OR6N1: variants seen among roughly 807,000 people sequenced by gnomAD.
OR6N1 encodes olfactory receptor 6N1.
For synonymous variants in OR6N1, 170 were observed against 150.7 expected, an observed-to-expected ratio of 1.13 and a Z score of -0.94; for missense variants, 394 against 371.7, an observed-to-expected ratio of 1.06 and a Z score of -0.49.
At chr1:158,795,102 C>T in the OR6N1 span, among the ~76,000 whole-genome samples, 4 of 152,190 alleles carry the variant, frequency 2.6e-5, no homozygotes, top group African/African-American at 9.7e-5. Flanking sequence ...AGGGCAGTTC[C>T]CTGGCTGCTG....
chr1:158,825,866 G>T, the OR6N1 span, among the ~76,000 whole-genome samples: 1 of 152,130 alleles, frequency 6.6e-6, no homozygotes, highest in Non-Finnish European at 1.5e-5. Context: ...CAAAAGCATG[G>T]AATCAACCTA....
chr1:158,777,510 G>T, the OR6N1 span: 6 of 1,614,048 alleles, frequency 3.7e-6, no homozygotes, highest in African/African-American at 6.7e-5. Flanking sequence ...AGATGAGCAT[G>T]TTACCACAGA....
At chr1:158,817,187 C>G in the OR6N1 span, among the ~76,000 whole-genome samples, 1 of 152,126 alleles carries the variant, frequency 6.6e-6, no homozygotes, top group Admixed American at 6.5e-5. Flanking sequence ...GGTTATTGAT[C>G]AAATATATGA....
At chr1:158,810,836 T>A in the OR6N1 span, among the ~76,000 whole-genome samples, 1 of 151,458 alleles carries the variant, frequency 6.6e-6, no homozygotes, top group Non-Finnish European at 1.5e-5. Context: ...TGTGTGTCCA[T>A]TTTTTTTTAC....
the OR6N1 span, among the ~76,000 whole-genome samples, chr1:158,802,397 A>G: frequency 1.4e-4 from 21 of 151,834 alleles, 1 homozygote; most frequent in East Asian, 3.5e-3. Flanking sequence ...TTTAGTAGAG[A>G]CAGGGTTTCA....
At chr1:158,809,656 G>A in the OR6N1 span, among the ~76,000 whole-genome samples, 2 of 152,074 alleles carry the variant, frequency 1.3e-5, no homozygotes, top group Non-Finnish European at 2.9e-5. Context: ...AATTCCTACT[G>A]CTAGCCCTCT....
the OR6N1 span, among the ~76,000 whole-genome samples, chr1:158,832,134 A>G: frequency 3.9e-5 from 6 of 152,238 alleles, 1 homozygote; most frequent in East Asian, 1.9e-4. Flanking sequence ...CAAATGGTCT[A>G]TGCTTTACTC....
chr1:158,787,220 T>G, the OR6N1 span, among the ~76,000 whole-genome samples: 1 of 152,078 alleles, frequency 6.6e-6, no homozygotes, highest in Non-Finnish European at 1.5e-5. Context: ...ACATGTTGGC[T>G]CCTCTTTTGC....
the OR6N1 span, among the ~76,000 whole-genome samples, chr1:158,788,791 A>G: frequency 6.6e-6 from 1 of 152,170 alleles, no homozygotes; most frequent in African/African-American, 2.4e-5. Context: ...GTACCCATTA[A>G]TCAATATTTC....
the OR6N1 span, among the ~76,000 whole-genome samples, chr1:158,810,021 C>T: frequency 2.0e-5 from 3 of 152,182 alleles, no homozygotes; most frequent in Admixed American, 2.0e-4. Flanking sequence ...CCTCCGAAGT[C>T]AGCGATTTGG....
At position 158,765,568 on chromosome 1, in the gene OR6N1, G is replaced by T; in HGVS notation, c.*176C>A. 1.7e-6 allele frequency: 1 copy of T among 575,114 alleles called. No individual in the cohort carries two copies. The allele number at this position is 575,114 out of a possible 1,614,324, so 35.6% of individuals were successfully genotyped here. A position where few individuals can be genotyped will look rare whatever the true frequency, so the allele number is the denominator to read the frequency against. ...TAGTCTCTGGTCTCAAGCCAAATGT[G>T]GCTCCAGCAGACAGTATGAAGGTCG... On this transcript the variant is annotated 3_prime_UTR_variant, in exon 2 of 2. Coordinates refer to ENST00000641846, the MANE Select transcript of OR6N1 (RefSeq NM_001005185.2).
chr1:158,771,099 T>C (rs1214151558), intron 1 of OR6N1, among the ~76,000 whole-genome samples: 1 of 152,224 alleles, frequency 6.6e-6, no homozygotes, highest in East Asian at 1.9e-4. Flanking sequence ...AAAAATATGC[T>C]TTATCTTTTG....
At chr1:158,786,467 C>T in the OR6N1 span, among the ~76,000 whole-genome samples, 1 of 152,148 alleles carries the variant, frequency 6.6e-6, no homozygotes, top group African/African-American at 2.4e-5. Flanking sequence ...AGTAGAATTA[C>T]CATTCAATCC....
chr1:158,833,691 C>T, the OR6N1 span, among the ~76,000 whole-genome samples: 10 of 152,124 alleles, frequency 6.6e-5, no homozygotes, highest in African/African-American at 2.4e-4. Flanking sequence ...AATAATATTC[C>T]ATTTCATGTA....
chr1:158,820,418 C>G, the OR6N1 span, among the ~76,000 whole-genome samples: 2 of 152,154 alleles, frequency 1.3e-5, no homozygotes, highest in African/African-American at 2.4e-5. Context: ...TGTAGCTAAC[C>G]CTTTTTTGCC....
chr1:158,780,105 T>C, the OR6N1 span, among the ~76,000 whole-genome samples: 2 of 152,236 alleles, frequency 1.3e-5, no homozygotes, highest in Non-Finnish European at 2.9e-5. Context: ...AGTATTCTAA[T>C]AAACTTAGCG....
At chr1:158,785,795 T>G in the OR6N1 span, among the ~76,000 whole-genome samples, 4 of 152,282 alleles carry the variant, frequency 2.6e-5, 1 homozygote, top group South Asian at 4.1e-4. Context: ...AGATTATAAT[T>G]TAATCAATAT....
At chr1:158,793,796 T>G in the OR6N1 span, among the ~76,000 whole-genome samples, 1 of 152,168 alleles carries the variant, frequency 6.6e-6, no homozygotes, top group African/African-American at 2.4e-5. Context: ...CAGCTGCAGC[T>G]AAAGCAGGTG....
chr1:158,831,410 C>T, the OR6N1 span: 1 of 152,180 alleles, frequency 6.6e-6, no homozygotes, highest in South Asian at 2.1e-4. Context: ...GCCATTTTTC[C>T]TTGTTAGCTT....
Sources: allele counts gnomAD v4.1 joint callset (sites outside exome capture counted in the v4.1 genomes callset), GRCh38; gene constraint gnomAD v4.1.1; transcripts MANE v1.5; gene names NCBI Gene and HGNC (gene_info 2026-07-23, HGNC 2026-07-21).